The following THADA variants were observed in gnomAD, a reference collection of about 807,000 sequenced individuals.
THADA encodes the protein THADA armadillo repeat containing.
In THADA, 213 loss-of-function variants were observed where a neutral mutation model predicts 219.8. That is an observed-to-expected ratio of 0.97 (90% CI 0.87 to 1.09). THADA has a LOEUF of 1.09. THADA is among the 50% of genes least tolerant of loss of function. THADA has a pLI of 0.00. For synonymous variants in THADA, 1,018 were observed against 828.9 expected, an observed-to-expected ratio of 1.23 and a Z score of -3.92; for missense variants, 2,956 against 2,311.3, an observed-to-expected ratio of 1.28 and a Z score of -5.72.
chr2:43,451,505 C>G (rs1339807210), intron 26 of THADA, among the ~76,000 whole-genome samples: 1 of 152,162 alleles, frequency 6.6e-6, no homozygotes, highest in Non-Finnish European at 1.5e-5. Context: ...ATGTTAGCTC[C>G]CTGAGACTAA....
At chr2:43,482,878 C>T (rs1280653118) in intron 26 of THADA, among the ~76,000 whole-genome samples, 1 of 152,108 alleles carries the variant, frequency 6.6e-6, no homozygotes, top group Admixed American at 6.6e-5. Context: ...TTGTTTTATC[C>T]TCACAATAGC....
chr2:43,265,639 G>T (rs938244643), intron 36 of THADA, among the ~76,000 whole-genome samples: 3 of 152,176 alleles, frequency 2.0e-5, no homozygotes, highest in African/African-American at 7.2e-5. Flanking sequence ...CAGGCAGGAG[G>T]AGCTGAATGA....
intron 30 of THADA, among the ~76,000 whole-genome samples, chr2:43,334,572 A>C (rs987999707): frequency 1.3e-5 from 2 of 152,116 alleles, no homozygotes; most frequent in Admixed American, 1.3e-4. Flanking sequence ...TCAGACTGTT[A>C]TTTTTAAAAA....
chr2:43,394,347 T>A (rs1341048442), intron 29 of THADA, among the ~76,000 whole-genome samples: 1 of 152,234 alleles, frequency 6.6e-6, no homozygotes, highest in East Asian at 1.9e-4. Flanking sequence ...TTTCTTGTTT[T>A]CAAGGTATAC....
intron 26 of THADA, among the ~76,000 whole-genome samples, chr2:43,448,376 G>C (rs1416829941): frequency 6.6e-6 from 1 of 152,126 alleles, no homozygotes; most frequent in Admixed American, 6.5e-5. Context: ...TGTGGGATGA[G>C]GATCCCGTCC....
chr2:43,556,298 C>A, intron 17 of THADA, 47 bp downstream of exon 17: 1 of 1,596,048 alleles, frequency 6.3e-7, no homozygotes, highest in Non-Finnish European at 8.5e-7. Context: ...CAAATGAATA[C>A]TGAGACTAAG....
At chr2:43,532,218 C>A (rs1693971597) in intron 21 of THADA, among the ~76,000 whole-genome samples, 1 of 151,620 alleles carries the variant, frequency 6.6e-6, no homozygotes, top group Non-Finnish European at 1.5e-5. Flanking sequence ...TCGAGTCCAG[C>A]CTGGACAACA....
Position 43,485,258 on chromosome 2 carries a change from T to C in THADA, c.3812A>G (p.Lys1271Arg). The stretch of plus-strand genomic sequence containing the variant: ...CCTATTTGTTTTGGAATGTTCATCC[T>C]TTGCCCTTTTAACTCCAAAAATTCT... ...ITRIFGVKRA[K>R]DEHSKTNRMT... Residue 1271 changes from lysine to arginine, a missense_variant, in exon 26 of 38, where the codon AAG (lysine) becomes AGG (arginine). Physicochemically the swap from Lys to Arg is conservative, Grantham distance 26. Coordinates refer to ENST00000405975, the MANE Select transcript of THADA (RefSeq NM_022065.5). 1 of 1,612,936 alleles carries C rather than the reference T, an allele frequency of 6.2e-7. No individual in the cohort carries two copies. Among genetic ancestry groups the C allele is most frequent in the Non-Finnish European group, 8.5e-7 (1 of 1,179,238 alleles).
At chr2:43,584,771 G>A (rs1451370897) in intron 7 of THADA, among the ~76,000 whole-genome samples, 1 of 152,132 alleles carries the variant, frequency 6.6e-6, no homozygotes, top group Non-Finnish European at 1.5e-5. Context: ...AGAAACTGTT[G>A]GCACTAGGTA....
intron 29 of THADA, among the ~76,000 whole-genome samples, chr2:43,355,408 G>A (rs2104571946): frequency 6.6e-6 from 1 of 152,312 alleles, no homozygotes; most frequent in East Asian, 1.9e-4. Flanking sequence ...TATTGCCGGT[G>A]TCTTGGTTAA....
In THADA at chr2:43,231,428, G is replaced by A; in HGVS notation, c.5467-85C>T. 8 of 1,369,896 alleles carry A rather than the reference G, an allele frequency of 5.8e-6. No individual in the cohort carries two copies. In the South Asian group the frequency reaches 8.5e-5, roughly 14 times the overall value. 84.9% of individuals were successfully genotyped at this position (1,369,896 alleles called of 1,614,324 possible). A position where few individuals can be genotyped will look rare whatever the true frequency, so the allele number is the denominator to read the frequency against. On this transcript the variant is annotated intron_variant, in intron 37 of 37. Coordinates refer to ENST00000405975, the MANE Select transcript of THADA (RefSeq NM_022065.5). ...CAGACCAAGCAGTACCCTGCCAGAT[G>A]CAAGAGGGGTTTCCCTTCCCCCACC... is the stretch of plus-strand genomic sequence containing the variant.
At chr2:43,274,788 G>A (rs564884578) in intron 36 of THADA, among the ~76,000 whole-genome samples, 49 of 152,092 alleles carry the variant, frequency 3.2e-4, no homozygotes, top group Admixed American at 1.3e-3. Flanking sequence ...AGCCACAGCC[G>A]ATCTGCCTGC....
chr2:43,243,677 G>T (rs529884101), intron 36 of THADA, among the ~76,000 whole-genome samples: 1 of 152,278 alleles, frequency 6.6e-6, no homozygotes, highest in East Asian at 1.9e-4. Context: ...ACCTGCCGCA[G>T]AGCCCTTTCT....
At position 43,586,943 on chromosome 2, in the gene THADA, C is replaced by T. The variant is rs769958179; in HGVS notation, c.362G>A (p.Arg121His). ...AGTAGTATTCAATTCTTCCTGAAGA[C>T]GAGAAGTAAAACGGTGCATAGCCTC... ...LPEAMHRFTS[R>H]LQEELNTTDL... The change falls in exon 5 of 38, where the codon CGT becomes CAT. Residue 121 changes from arginine (R) to histidine (H), a missense_variant. Physicochemically the swap from Arg to His is conservative, Grantham distance 29. Coordinates refer to ENST00000405975, the MANE Select transcript of THADA (RefSeq NM_022065.5). 2.1e-4 allele frequency: 343 copies of T among 1,613,580 alleles called. No homozygotes were observed. The highest frequency in any genetic ancestry group is 2.1e-3 in the East Asian group (95 of 44,866).
At chr2:43,353,355 A>G (rs1385768210) in intron 29 of THADA, among the ~76,000 whole-genome samples, 1 of 152,140 alleles carries the variant, frequency 6.6e-6, no homozygotes, top group Non-Finnish European at 1.5e-5. Context: ...TTGTTTTTTG[A>G]TAACAGCTAT....
rs1383797947 is a variant in THADA, at chr2:43,578,517, T to C, written c.812A>G (p.His271Arg). ...TMFHPSEKIP[H>R]LISSVLLRSV... ...CTAAAAAGGAGATGCACTTACCAAA[T>C]GAGGAATCTTTTCAGACGGGTGAAA... is the stretch of plus-strand genomic sequence containing the variant. Residue 271 changes from histidine to arginine, a missense_variant, in exon 9 of 38, where the codon CAT becomes CGT. By Grantham distance (29) the His-to-Arg change is conservative (BLOSUM62 0). Coordinates refer to ENST00000405975, the MANE Select transcript of THADA (RefSeq NM_022065.5). 1 of 1,606,660 alleles carries C rather than the reference T, an allele frequency of 6.2e-7. No homozygotes were observed. The highest frequency in any genetic ancestry group is 1.1e-5 in the South Asian group (1 of 90,810).
chr2:43,481,111 T>C (rs1686160533), intron 26 of THADA, among the ~76,000 whole-genome samples: 1 of 152,220 alleles, frequency 6.6e-6, no homozygotes. Flanking sequence ...GAGAAGCCAG[T>C]CTGTCTGGAA....
intron 29 of THADA, among the ~76,000 whole-genome samples, chr2:43,365,739 AAAAG>A (rs1670070009): frequency 6.6e-6 from 1 of 152,178 alleles, no homozygotes; most frequent in South Asian, 2.1e-4. Flanking sequence ...CAAGTTAAAA[AAAAG>A]GTGGGTTCCT....
intron 36 of THADA, among the ~76,000 whole-genome samples, chr2:43,256,590 AAAAT>A (rs1029447502): frequency 1.3e-5 from 2 of 149,498 alleles, no homozygotes; most frequent in Admixed American, 6.7e-5. Flanking sequence ...TAAAAAAAGA[AAAAT>A]AAATAAATAA....
Sources: allele counts gnomAD v4.1 joint callset (sites outside exome capture counted in the v4.1 genomes callset), GRCh38; gene constraint gnomAD v4.1.1; transcripts MANE v1.5; gene names NCBI Gene and HGNC (gene_info 2026-07-23, HGNC 2026-07-21).